The following FILIP1L variants were observed in gnomAD, a reference collection of about 807,000 sequenced individuals.
FILIP1L encodes the protein filamin A interacting protein 1 like.
FILIP1L carries 55 observed loss-of-function variants against 96.6 expected under a neutral mutation model. The observed-to-expected ratio is 0.57, with a 90% CI of 0.46 to 0.71. FILIP1L has a LOEUF of 0.71. Among genes scored for constraint, FILIP1L ranks in the 30% least tolerant of loss-of-function variants. The pLI is 0.00. For missense variants in FILIP1L, 1,304 were observed against 1,321.2 expected, an observed-to-expected ratio of 0.99 and a Z score of 0.20; for synonymous variants, 467 against 473.9, an observed-to-expected ratio of 0.99 and a Z score of 0.19.
chr3:99,881,353 T>A (rs1705720638), intron 4 of FILIP1L, among the ~76,000 whole-genome samples: 1 of 152,216 alleles, frequency 6.6e-6, no homozygotes, highest in South Asian at 2.1e-4. Flanking sequence ...TTTGAGAAAA[T>A]GTTGAACTCA....
In FILIP1L at chr3:99,930,998, G is replaced by T; in HGVS notation, c.23C>A (p.Thr8Asn). The part of the protein sequence containing the change: MRSRGSD[T>N]EGSAQKKFPR... ...AAATTTCTTTTGGGCTGAGCCCTCG[G>T]TATCACTGCCTCTGGAACGCATTCT... The change falls in exon 2 of 6, where the codon ACC becomes AAC. Residue 8 changes from threonine (T) to asparagine (N), a missense_variant. Physicochemically the swap from Thr to Asn is moderately conservative, Grantham distance 65. Coordinates refer to ENST00000477258, the MANE Select transcript of FILIP1L (RefSeq NM_001387850.1). 1 of 1,613,700 alleles carries T rather than the reference G, an allele frequency of 6.2e-7. No individual in the cohort carries two copies.
chr3:100,030,348 G>C (rs990584831), intron 1 of FILIP1L, among the ~76,000 whole-genome samples: 1 of 152,116 alleles, frequency 6.6e-6, no homozygotes, highest in Non-Finnish European at 1.5e-5. Flanking sequence ...CCTGGCATGC[G>C]TGTTGGTTTT....
Position 99,848,425 on chromosome 3 carries a change from G to A in FILIP1L, c.3251C>T (p.Ser1084Leu), listed in dbSNP as rs1481585810. The A allele has an allele frequency of 1.2e-6, 2 of 1,614,082 alleles. No individual in the cohort carries two copies. Among genetic ancestry groups the A allele is most frequent in the African/African-American group, 2.7e-5 (2 of 74,926 alleles). The change falls in exon 5 of 6, where the codon TCA (serine) becomes TTA (leucine). Residue 1084 changes from serine to leucine, a missense_variant. By Grantham distance (145) the Ser-to-Leu change is moderately radical. Coordinates refer to ENST00000477258, the MANE Select transcript of FILIP1L (RefSeq NM_001387850.1). The stretch of plus-strand genomic sequence containing the variant: ...AGTTCGGTTATCCTGCAGTGGTGCT[G>A]AAGGGCTGGCAGGTCTCACAGGGCT... ...VASPVRPASPSAPLQDNRTQG... is the reference protein window; with the variant it reads ...VASPVRPASPLAPLQDNRTQG...
At chr3:99,935,664 CTGGA>C (rs1267610095) in intron 1 of FILIP1L, among the ~76,000 whole-genome samples, 1 of 152,230 alleles carries the variant, frequency 6.6e-6, no homozygotes, top group Non-Finnish European at 1.5e-5. Context: ...GGACCTGAGA[CTGGA>C]TGATCTTTGA....
At chr3:100,039,261 A>T (rs2107284589) in intron 1 of FILIP1L, among the ~76,000 whole-genome samples, 1 of 152,322 alleles carries the variant, frequency 6.6e-6, no homozygotes, top group East Asian at 1.9e-4. Context: ...ACCTCAAAAA[A>T]CTGAGCAACC....
intron 1 of FILIP1L, among the ~76,000 whole-genome samples, chr3:99,938,642 T>G (rs995435008): frequency 6.6e-6 from 1 of 152,204 alleles, no homozygotes; most frequent in African/African-American, 2.4e-5. Context: ...AGAGATGTAT[T>G]AAGATTATGG....
At chr3:100,034,254 A>G (rs2065069907) in intron 1 of FILIP1L, among the ~76,000 whole-genome samples, 1 of 152,190 alleles carries the variant, frequency 6.6e-6, no homozygotes, top group Non-Finnish European at 1.5e-5. Context: ...ATGGGGGGAA[A>G]AAGCTGCAGC....
chr3:99,935,634 A>G (rs1360823586), intron 1 of FILIP1L, among the ~76,000 whole-genome samples: 1 of 152,206 alleles, frequency 6.6e-6, no homozygotes, highest in East Asian at 1.9e-4. Flanking sequence ...CCCCTGATGG[A>G]TCCCGTGATA....
chr3:99,966,773 A>G (rs1708666214), intron 1 of FILIP1L, among the ~76,000 whole-genome samples: 2 of 152,248 alleles, frequency 1.3e-5, no homozygotes, highest in African/African-American at 4.8e-5. Context: ...CTGTAAAGTT[A>G]TATGGGCCAC....
intron 1 of FILIP1L, among the ~76,000 whole-genome samples, chr3:99,971,488 G>A (rs1708821151): frequency 1.3e-5 from 2 of 152,174 alleles, no homozygotes; most frequent in African/African-American, 2.4e-5. Context: ...ATACTGGTAT[G>A]GGACTCAGGA....
intron 1 of FILIP1L, among the ~76,000 whole-genome samples, chr3:99,948,327 CAAAAAAAT>C (rs922577767): frequency 1.3e-5 from 2 of 150,196 alleles, no homozygotes; most frequent in African/African-American, 4.9e-5. Flanking sequence ...ACTGTCTCTC[CAAAAAAAT>C]AAAAAAATTA....
At chr3:99,958,718 C>G (rs1024113313) in intron 1 of FILIP1L, among the ~76,000 whole-genome samples, 2 of 152,122 alleles carry the variant, frequency 1.3e-5, no homozygotes, top group African/African-American at 4.8e-5. Flanking sequence ...GCCAGCAGGG[C>G]TCCTTCAGGG....
At chr3:99,963,032 C>T (rs1708540277) in intron 1 of FILIP1L, among the ~76,000 whole-genome samples, 1 of 152,184 alleles carries the variant, frequency 6.6e-6, no homozygotes, top group Admixed American at 6.5e-5. Context: ...TGGGTTTTAC[C>T]AGCCGTTGAG....
intron 5 of FILIP1L, chr3:99,833,092 A>C: frequency 1.4e-6 from 1 of 710,798 alleles, no homozygotes; most frequent in Middle Eastern, 2.3e-4. Context: ...CCTGGGTTTC[A>C]TCAAAGAGCA....
intron 4 of FILIP1L, among the ~76,000 whole-genome samples, chr3:99,878,532 T>A (rs1356448083): frequency 1.3e-5 from 2 of 152,222 alleles, no homozygotes; most frequent in Non-Finnish European, 2.9e-5. Context: ...GTTCAGAATC[T>A]CTCAGAGGTA....
intron 4 of FILIP1L, among the ~76,000 whole-genome samples, chr3:99,871,612 T>C (rs1944789819): frequency 6.6e-6 from 1 of 152,166 alleles, no homozygotes; most frequent in Non-Finnish European, 1.5e-5. Flanking sequence ...TCTGCAGTTT[T>C]GGGGGAGGTT....
rs1245387593 is a variant in FILIP1L, at chr3:99,849,968, T to G, written c.1708A>C (p.Lys570Gln). 6.2e-7 allele frequency: 1 copy of G among 1,612,720 alleles called. No homozygotes were observed. The highest frequency in any genetic ancestry group is 1.7e-5 in the Admixed American group (1 of 59,788). The change falls in exon 5 of 6, where the codon AAA (lysine) becomes CAA (glutamine). Residue 570 changes from lysine (K) to glutamine (Q), a missense_variant. Physicochemically the swap from Lys to Gln is moderately conservative, Grantham distance 53 (BLOSUM62 1). Coordinates refer to ENST00000477258, the MANE Select transcript of FILIP1L (RefSeq NM_001387850.1). ...CCTTTCTCTTCTTCCGCTTTCAATT[T>G]GTTTTTTAAATCATCTCTCTCCTTG... is the stretch of plus-strand genomic sequence containing the variant. Reference protein sequence around the residue: ...VTKERDDLKNKLKAEEEKGND... With the variant: ...VTKERDDLKNQLKAEEEKGND...
intron 1 of FILIP1L, among the ~76,000 whole-genome samples, chr3:99,988,236 G>A (rs931877901): frequency 4.0e-5 from 6 of 150,434 alleles, no homozygotes; most frequent in Non-Finnish European, 5.9e-5. Flanking sequence ...AGTGCCTCAC[G>A]CCTGTAATCC....
intron 1 of FILIP1L, among the ~76,000 whole-genome samples, chr3:99,933,232 T>G (rs1707544259): frequency 6.6e-6 from 1 of 152,164 alleles, no homozygotes; most frequent in Non-Finnish European, 1.5e-5. Context: ...TACAAATACC[T>G]TGTCCGAAAA....
Sources: allele counts gnomAD v4.1 joint callset (sites outside exome capture counted in the v4.1 genomes callset), GRCh38; gene constraint gnomAD v4.1.1; transcripts MANE v1.5; gene names NCBI Gene and HGNC (gene_info 2026-07-23, HGNC 2026-07-21).